The following HELLS variants were observed in gnomAD, a reference collection of about 807,000 sequenced individuals.
HELLS encodes the protein lymphoid-specific helicase.
Under a neutral mutation model 120.0 loss-of-function variants are expected in HELLS, and 32 were observed. The ratio of observed to expected loss-of-function variants is 0.27; its 90% CI spans 0.20 to 0.36. The LOEUF is 0.36. Among genes scored for constraint, HELLS ranks in the 10% least tolerant of loss-of-function variants. The pLI is 1.00. For missense variants in HELLS, 650 were observed against 993.4 expected (o/e 0.65, Z 4.65); for synonymous variants, 341 against 323.4 (o/e 1.05, Z -0.58).
At chr10:94,554,282 TA>T (rs758577224) in intron 3 of HELLS, 34 bp downstream of exon 3, 30 of 1,431,132 alleles carry the variant, frequency 2.1e-5, no homozygotes, top group Non-Finnish European at 2.6e-5. Context: ...AGTGAAAGCT[TA>T]AAAAAATTTA....
At chr10:94,578,019 C>T (rs1024438608) in intron 10 of HELLS, among the ~76,000 whole-genome samples, 8 of 143,528 alleles carry the variant, frequency 5.6e-5, no homozygotes, top group East Asian at 2.2e-4. Context: ...GCCGAGATTG[C>T]GCCACTGCAG....
intron 2 of HELLS, among the ~76,000 whole-genome samples, chr10:94,549,111 A>G (rs879734628): frequency 5.9e-5 from 9 of 152,144 alleles, no homozygotes; most frequent in African/African-American, 1.2e-4. Flanking sequence ...AAAGTTTTTG[A>G]TTATTTTTTG....
At chr10:94,565,840 T>C (rs1218984172) in intron 6 of HELLS, among the ~76,000 whole-genome samples, 1 of 152,212 alleles carries the variant, frequency 6.6e-6, no homozygotes, top group Non-Finnish European at 1.5e-5. Flanking sequence ...AGGTAAATGC[T>C]GTCTTCACCT....
At chr10:94,599,591 A>G (rs1191511219) in intron 21 of HELLS, among the ~76,000 whole-genome samples, 1 of 152,196 alleles carries the variant, frequency 6.6e-6, no homozygotes, top group South Asian at 2.1e-4. Flanking sequence ...TCCTGGGCTC[A>G]AGTGATCTGT....
intron 7 of HELLS, among the ~76,000 whole-genome samples, chr10:94,573,314 G>A (rs1020541930): frequency 1.3e-5 from 2 of 152,030 alleles, no homozygotes; most frequent in Admixed American, 6.6e-5. Context: ...TTATTTATGC[G>A]TACTGTATTT....
chr10:94,574,101 G>C lies in HELLS; in HGVS notation c.619G>C (p.Gly207Arg). ...TTTTGACCCAGTCCGGAAGTGTAAT[G>C]GTCAGCCAGTACCTTTTCAACAACC... Reference protein sequence around the residue: ...FFFDPVRKCNGQPVPFQQPKH... With the variant: ...FFFDPVRKCNRQPVPFQQPKH... The change falls in exon 8 of 22, where the codon GGT becomes CGT. Residue 207 changes from glycine (G) to arginine (R), a missense_variant. Gly to Arg is a moderately radical substitution (Grantham distance 125, BLOSUM62 -2). Transcript: ENST00000348459. 6.2e-7 allele frequency: 1 copy of C among 1,614,048 alleles called. No homozygotes were observed. The highest frequency in any genetic ancestry group is 1.1e-5 in the South Asian group (1 of 91,072).
At chr10:94,588,664 A>G (rs1328838790) in intron 13 of HELLS, among the ~76,000 whole-genome samples, 2 of 152,002 alleles carry the variant, frequency 1.3e-5, no homozygotes, top group Non-Finnish European at 2.9e-5. Flanking sequence ...TCCAGGTTTT[A>G]GCAATTGTGC....
In HELLS at chr10:94,574,638, T is replaced by C. The variant is rs1168152753; in HGVS notation, c.790T>C (p.Leu264=). The C allele has an allele frequency of 1.2e-6, 2 of 1,611,698 alleles. No individual in the cohort carries two copies. Among genetic ancestry groups the C allele is most frequent in the East Asian group, 2.2e-5 (1 of 44,824 alleles). ...KTVQCIATIA[L]MIQRGVPGPF... is the part of the protein sequence containing the mutation. ...AGTTCAGTGCATTGCTACTATTGCATTGATGATTCAGAGAGGAGTACCAGG... is the reference window on the plus strand; with the variant it reads ...AGTTCAGTGCATTGCTACTATTGCACTGATGATTCAGAGAGGAGTACCAGG... The change falls in exon 9 of 22, where the codon TTG becomes CTG. Residue 264 remains leucine, a synonymous_variant. Transcript: ENST00000348459.
chr10:94,594,686 A>G lies in HELLS; in HGVS notation c.2089-9A>G. 2.5e-6 allele frequency: 4 copies of G among 1,582,238 alleles called. No homozygotes were observed. In the African/African-American group the frequency reaches 4.1e-5, roughly 16 times the overall value. The stretch of plus-strand genomic sequence containing the variant: ...ACCGTTAAATATTATTTTTCTTTTT[A>G]ACTTTAAGAACCCCCAGTCGGATCT... On this transcript the variant is annotated splice_polypyrimidine_tract_variant and intron_variant, in intron 18 of 21. Coordinates refer to ENST00000348459, the MANE Select transcript of HELLS (RefSeq NM_018063.5).
In HELLS at chr10:94,595,569, CTTTT is replaced by C. The variant is rs765777709; in HGVS notation, c.2248+720_2248+723del. On this transcript the variant is annotated intron_variant, in intron 19 of 21. Transcript: ENST00000348459. ...AATGCCCTTTTTATAGTTTTGGACA[CTTTT>C]TTTTCCTTTTTCATTTCCTTATCAT... 3.3e-5 allele frequency among the ~76,000 whole-genome samples: 5 copies of C among 151,986 alleles called. No individual in the cohort carries two copies. The South Asian group carries it at 8.3e-4, about 25-fold the overall frequency.
intron 7 of HELLS, among the ~76,000 whole-genome samples, chr10:94,572,807 C>T (rs1419911231): frequency 2.0e-5 from 3 of 152,144 alleles, no homozygotes; most frequent in Non-Finnish European, 4.4e-5. Flanking sequence ...TTGAAAACTC[C>T]AGCTTACATT....
Position 94,594,721 on chromosome 10 carries a change from G to A in HELLS, c.2115G>A (p.Gln705=). 1 of 1,613,618 alleles carries A rather than the reference G, an allele frequency of 6.2e-7. No individual in the cohort carries two copies. Among genetic ancestry groups the A allele is most frequent in the East Asian group, 2.2e-5 (1 of 44,854 alleles). The part of the protein sequence containing the change: ...DWNPQSDLQA[Q]DRCHRIGQTK... ...ACCCCCAGTCGGATCTTCAGGCCCA[G>A]GATAGATGTCATAGAATTGGTCAGA... is the stretch of plus-strand genomic sequence containing the variant. Residue 705 remains glutamine (Q), a synonymous_variant, in exon 19 of 22, where the codon CAG becomes CAA. Coordinates refer to ENST00000348459, the MANE Select transcript of HELLS (RefSeq NM_018063.5).
chr10:94,550,682 G>A (rs1842940790), intron 2 of HELLS, among the ~76,000 whole-genome samples: 1 of 152,068 alleles, frequency 6.6e-6, no homozygotes, highest in African/African-American at 2.4e-5. Flanking sequence ...CTTGAGCCCA[G>A]GGGTTAAGAC....
chr10:94,590,746 T>C lies in HELLS; in HGVS notation c.1737T>C (p.Tyr579=), dbSNP rs1845446057. Residue 579 remains tyrosine, a synonymous_variant, in exon 15 of 22, where the codon TAT becomes TAC. Transcript: ENST00000348459. Reference sequence around the variant, plus strand: ...GTAATCATCCATATTTGATTGAATATCCTATAGACCCTGTTACACAAGAAT... The same window carrying C: ...GTAATCATCCATATTTGATTGAATACCCTATAGACCCTGTTACACAAGAAT... ...KCCNHPYLIE[Y]PIDPVTQEFK... The C allele has an allele frequency of 1.9e-6, 3 of 1,572,254 alleles. No homozygotes were observed. The highest frequency in any genetic ancestry group is 1.7e-5 in the Admixed American group (1 of 58,176).
intron 7 of HELLS, among the ~76,000 whole-genome samples, chr10:94,572,751 T>A (rs776646992): frequency 1.3e-5 from 2 of 151,974 alleles, no homozygotes; most frequent in South Asian, 2.1e-4. Context: ...GTACAGATTT[T>A]CCCCCCCAAA....
At chr10:94,566,545 T>A (rs1006161605) in intron 6 of HELLS, among the ~76,000 whole-genome samples, 7 of 152,174 alleles carry the variant, frequency 4.6e-5, no homozygotes, top group African/African-American at 1.7e-4. Flanking sequence ...ATAAGTAAAG[T>A]AGGAAGCTAT....
intron 4 of HELLS, among the ~76,000 whole-genome samples, chr10:94,561,117 A>G (rs1275773375): frequency 1.3e-5 from 2 of 151,678 alleles, no homozygotes; most frequent in South Asian, 4.2e-4. Context: ...TGCTAATTTC[A>G]GAGACTTACC....
rs76198227 is a variant in HELLS at position 94,589,414 on chromosome 10, G to T, written c.1489-999G>T. ...TGGAGCATTTGTATTTTCCCGTTAGGGATGTTCTACCTGTACAGTTTCCTT... is the reference window on the plus strand; with the variant it reads ...TGGAGCATTTGTATTTTCCCGTTAGTGATGTTCTACCTGTACAGTTTCCTT... On this transcript the variant is annotated intron_variant, in intron 13 of 21. Coordinates refer to ENST00000348459, the MANE Select transcript of HELLS (RefSeq NM_018063.5). Among the ~76,000 whole-genome samples, 80 of 152,162 alleles carry T rather than the reference G, an allele frequency of 5.3e-4. 2 individuals are homozygous for T. In the East Asian group the frequency reaches 9.9e-3, roughly 19 times the overall value.
At chr10:94,556,134 A>G (rs191617040) in intron 3 of HELLS, among the ~76,000 whole-genome samples, 64 of 152,226 alleles carry the variant, frequency 4.2e-4, no homozygotes, top group Non-Finnish European at 6.5e-4. Context: ...CCCTCAACCT[A>G]TGGGGTATGG....
Sources: allele counts gnomAD v4.1 joint callset (sites outside exome capture counted in the v4.1 genomes callset), GRCh38; gene constraint gnomAD v4.1.1; transcripts MANE v1.5; gene names NCBI Gene and HGNC (gene_info 2026-07-23, HGNC 2026-07-21).